The following SEMA3D variants were observed in gnomAD, a reference collection of about 807,000 sequenced individuals.
SEMA3D encodes the protein semaphorin-3D.
Under a neutral mutation model 100.1 loss-of-function variants are expected in SEMA3D, and 84 were observed. That is an observed-to-expected ratio of 0.84 (90% CI 0.70 to 1.01). The LOEUF is 1.01. SEMA3D is among the 50% of genes least tolerant of loss of function. The pLI is 0.00. For missense variants in SEMA3D, 875 were observed against 934.1 expected, an observed-to-expected ratio of 0.94 and a Z score of 0.82; for synonymous variants, 312 against 320.7, an observed-to-expected ratio of 0.97 and a Z score of 0.29.
intron 1 of SEMA3D, among the ~76,000 whole-genome samples, chr7:85,174,391 G>C (rs1005518150): frequency 1.3e-5 from 2 of 152,024 alleles, no homozygotes; most frequent in Non-Finnish European, 2.9e-5. Context: ...GGCTTCAAGA[G>C]CAATATAAAT....
At chr7:85,038,710 T>A (rs1398703800) in intron 11 of SEMA3D, among the ~76,000 whole-genome samples, 1 of 152,174 alleles carries the variant, frequency 6.6e-6, no homozygotes, top group African/African-American at 2.4e-5. Context: ...CCAAGAGAAC[T>A]AGGATTGAGA....
intron 17 of SEMA3D, among the ~76,000 whole-genome samples, chr7:85,011,881 C>A (rs762253859): frequency 5.9e-5 from 9 of 151,710 alleles, no homozygotes; most frequent in Non-Finnish European, 1.3e-4. Flanking sequence ...GGGTTATTTA[C>A]ATCACTGGTA....
chr7:85,065,640 A>C (rs977392050), intron 7 of SEMA3D, 88 bp from the exon 8 acceptor site: 13 of 956,368 alleles, frequency 1.4e-5, no homozygotes, highest in Non-Finnish European at 4.8e-6. Context: ...CATGACACCA[A>C]AGATGTTTGT....
intron 3 of SEMA3D, among the ~76,000 whole-genome samples, chr7:85,110,930 T>G (rs902265914): frequency 6.6e-6 from 1 of 152,078 alleles, no homozygotes; most frequent in Non-Finnish European, 1.5e-5. Flanking sequence ...GCTGCTTTTA[T>G]CAAAGTCAAC....
At position 85,121,821 on chromosome 7, in the gene SEMA3D, A is replaced by G; in HGVS notation, c.71T>C (p.Met24Thr). 6.2e-7 allele frequency: 1 copy of G among 1,608,754 alleles called. No individual in the cohort carries two copies. Among genetic ancestry groups the G allele is most frequent in the Non-Finnish European group, 8.5e-7 (1 of 1,176,718 alleles). The change falls in exon 3 of 19, where the codon ATG becomes ACG. Residue 24 changes from methionine to threonine, a missense_variant. Met to Thr is a moderately conservative substitution (Grantham distance 81). Transcript: ENST00000284136. ...AAGAAACAACATGGTCATGCTTAGC[A>G]TCATCAAAGCAGGAAAAAGGTGAAA... ...QDFHLFPALM[M>T]LSMTMLFLPV... is the part of the protein sequence containing the mutation.
intron 5 of SEMA3D, among the ~76,000 whole-genome samples, chr7:85,079,848 C>G (rs1290152316): frequency 1.3e-5 from 2 of 152,172 alleles, no homozygotes; most frequent in African/African-American, 2.4e-5. Context: ...TTGAAAAACT[C>G]TCATAACCAA....
At chr7:85,208,832 T>A in the SEMA3D span, among the ~76,000 whole-genome samples, 1 of 152,038 alleles carries the variant, frequency 6.6e-6, no homozygotes, top group African/African-American at 2.4e-5. Flanking sequence ...TATAGCTTTA[T>A]ATAGAAAAGA....
chr7:85,243,391 A>C, the SEMA3D span, among the ~76,000 whole-genome samples: 2 of 152,070 alleles, frequency 1.3e-5, no homozygotes, highest in African/African-American at 4.8e-5. Flanking sequence ...TGTTCACACT[A>C]ATTCTCCAGC....
intron 3 of SEMA3D, among the ~76,000 whole-genome samples, chr7:85,098,218 T>C (rs1291313229): frequency 1.3e-5 from 2 of 151,836 alleles, no homozygotes; most frequent in African/African-American, 2.4e-5. Flanking sequence ...TATAGCTATA[T>C]GTAATTACAG....
At chr7:85,085,661 C>T (rs970548714) in intron 4 of SEMA3D, among the ~76,000 whole-genome samples, 8 of 152,036 alleles carry the variant, frequency 5.3e-5, no homozygotes, top group South Asian at 2.1e-4. Flanking sequence ...ATGAAATCAC[C>T]GTGCCCAGGG....
chr7:85,219,813 A>G, the SEMA3D span, among the ~76,000 whole-genome samples: 1 of 152,060 alleles, frequency 6.6e-6, no homozygotes, highest in African/African-American at 2.4e-5. Context: ...TGGTTTAACA[A>G]TCTCAAACTT....
chr7:85,151,655 T>C, intron 2 of SEMA3D: 1 of 980,688 alleles, frequency 1.0e-6, no homozygotes, highest in Non-Finnish European at 1.2e-6. Flanking sequence ...ATTCTCAGTA[T>C]ATTATAGTGT....
intron 1 of SEMA3D, among the ~76,000 whole-genome samples, chr7:85,178,343 G>A (rs1791298413): frequency 6.6e-6 from 1 of 152,186 alleles, no homozygotes; most frequent in East Asian, 1.9e-4. Flanking sequence ...AAGAAGACAG[G>A]AAGATGTGAG....
chr7:85,020,429 T>C (rs900738395), intron 13 of SEMA3D, 108 bp from the exon 14 acceptor site: 34 of 724,094 alleles, frequency 4.7e-5, no homozygotes, highest in Non-Finnish European at 7.7e-5. Context: ...TTTAAATGCC[T>C]TTCAAAAAAC....
chr7:85,134,375 G>C (rs1455538158), intron 2 of SEMA3D, among the ~76,000 whole-genome samples: 1 of 151,858 alleles, frequency 6.6e-6, no homozygotes, highest in African/African-American at 2.4e-5. Context: ...GGCTTATTTG[G>C]ATATTGTAAT....
At chr7:85,141,238 C>T (rs1583961305) in intron 2 of SEMA3D, 1 of 984,464 alleles carries the variant, frequency 1.0e-6, no homozygotes, top group South Asian at 4.7e-5. Flanking sequence ...ATGACATTAA[C>T]TTGTTGAAGA....
At chr7:85,232,236 C>T in the SEMA3D span, among the ~76,000 whole-genome samples, 3 of 152,192 alleles carry the variant, frequency 2.0e-5, no homozygotes, top group African/African-American at 7.2e-5. Context: ...TTTTTTGTGC[C>T]ATTATGTCAT....
intron 2 of SEMA3D, chr7:85,141,436 T>TA (rs1024161168): frequency 9.4e-5 from 93 of 984,446 alleles, no homozygotes; most frequent in Middle Eastern, 5.2e-4. Context: ...TGCTAATATT[T>TA]AAAAAAAAGA....
chr7:85,230,378 C>T, the SEMA3D span, among the ~76,000 whole-genome samples: 5 of 152,178 alleles, frequency 3.3e-5, no homozygotes, highest in Admixed American at 6.5e-5. Context: ...TGATTTTGAG[C>T]TGCACTTTGG....
Sources: gnomAD v4.1 joint callset for allele counts (sites outside exome capture counted in the v4.1 genomes callset) on GRCh38, gnomAD v4.1.1 for gene constraint, MANE v1.5 for transcripts, NCBI Gene and HGNC (gene_info 2026-07-23, HGNC 2026-07-21) for gene names.